Variants in STX11 observed in about 807,000 individuals in gnomAD.
STX11 encodes syntaxin-11.
STX11 carries 21 observed loss-of-function variants against 19.9 expected under a neutral mutation model. That is an observed-to-expected ratio of 1.06 (90% CI 0.75 to 1.52). STX11 has a LOEUF of 1.52. STX11 is among the 40% of genes most tolerant of loss of function. The probability of loss-of-function intolerance (pLI) is 0.00; values close to 1 mark genes in which losing one functional copy is unlikely to be tolerated. For missense variants in STX11, 438 were observed against 405.9 expected (o/e 1.08, Z -0.68); for synonymous variants, 193 against 174.4 (o/e 1.11, Z -0.84).
chr6:144,157,575 G>C (rs1801204733), intron 1 of STX11, among the ~76,000 whole-genome samples: 1 of 152,152 alleles, frequency 6.6e-6, no homozygotes, highest in Non-Finnish European at 1.5e-5. Context: ...TTTTTTCCAA[G>C]GCCCTTAAGG....
chr6:144,187,338 G>T lies in STX11; in HGVS notation c.711G>T (p.Lys237Asn), dbSNP rs758527654. ...TGCAGATGGCGGTGCTGGTGGAGAAGCAGGCCGACACCCTGAACGTCATCG... is the reference window on the plus strand; with the variant it reads ...TGCAGATGGCGGTGCTGGTGGAGAATCAGGCCGACACCCTGAACGTCATCG... Reference protein sequence around the residue: ...LFLQMAVLVEKQADTLNVIEL... With the variant: ...LFLQMAVLVENQADTLNVIEL... The change falls in exon 2 of 2, where the codon AAG becomes AAT. Residue 237 changes from lysine to asparagine, a missense_variant. Lys to Asn is a moderately conservative substitution (Grantham distance 94). Transcript: ENST00000367568. This position sits in a 1 kb window ranked among gnomAD's most constrained non-coding sequence, Gnocchi z 5.6. 1 of 1,610,636 alleles carries T rather than the reference G, an allele frequency of 6.2e-7. No homozygotes were observed. The highest frequency in any genetic ancestry group is 8.5e-7 in the Non-Finnish European group (1 of 1,179,956).
chr6:144,172,705 G>A lies in STX11; in HGVS notation c.-5-13918G>A, dbSNP rs543330024. On this transcript the variant is annotated intron_variant, in intron 1 of 1. Transcript: ENST00000367568. This position sits in a 1 kb window ranked among gnomAD's most constrained non-coding sequence, Gnocchi z 4.2. ...CTCATCAGATTATAGTATTAGCCTCGAAGTCTAGAGACTTATGCCTGATCT... is the reference window on the plus strand; with the variant it reads ...CTCATCAGATTATAGTATTAGCCTCAAAGTCTAGAGACTTATGCCTGATCT... Among the ~76,000 whole-genome samples, 10 of 152,190 alleles carry A rather than the reference G, an allele frequency of 6.6e-5. No individual in the cohort carries two copies. In the East Asian group the frequency reaches 9.7e-4, roughly 15 times the overall value.
Position 144,151,723 on chromosome 6 carries a change from TATC to T in STX11, c.-6+1023_-6+1025del, listed in dbSNP as rs1245732162. Among the ~76,000 whole-genome samples, 1 of 152,248 alleles carries T rather than the reference TATC, an allele frequency of 6.6e-6. No individual in the cohort carries two copies. The highest frequency in any genetic ancestry group is 1.5e-5 in the Non-Finnish European group (1 of 68,038). On this transcript the variant is annotated intron_variant, in intron 1 of 1. Transcript: ENST00000367568. The surrounding 1 kb of genome is among the most constrained non-coding windows in gnomAD (Gnocchi z 4.6). ...TCATTTTCACTGCATGGGAGAAAGG[TATC>T]ATTTAATGTGGTGATTGTAAGTAAC...
At position 144,155,942 on chromosome 6, in the gene STX11, C is replaced by T. The variant is rs528904243; in HGVS notation, c.-6+5239C>T. Among the ~76,000 whole-genome samples, 1 of 3,270 alleles carries T rather than the reference C, an allele frequency of 3.1e-4. No individual in the cohort carries two copies. Among genetic ancestry groups the T allele is most frequent in the Admixed American group, 4.1e-3 (1 of 242 alleles). 2.1% of individuals were successfully genotyped at this position (3,270 alleles called of 152,430 possible). A position where few individuals can be genotyped will look rare whatever the true frequency, so the allele number is the denominator to read the frequency against. On this transcript the variant is annotated intron_variant, in intron 1 of 1. Transcript: ENST00000367568. This position sits in a 1 kb window ranked among gnomAD's most constrained non-coding sequence, Gnocchi z 4.5. ...AATTAAATGTGTTTTAAAATTTAATCTTTCTTTCTTTCTTTCTTTCTTTCT... is the reference window on the plus strand; with the variant it reads ...AATTAAATGTGTTTTAAAATTTAATTTTTCTTTCTTTCTTTCTTTCTTTCT...
the STX11 span, among the ~76,000 whole-genome samples, chr6:144,140,243 TATA>T: frequency 2.4e-3 from 123 of 50,894 alleles, no homozygotes; most frequent in African/African-American, 0.018. Context: ...TATATATATA[TATA>T]TATATATATT....
rs1801891340 is a variant in STX11, at chr6:144,180,728, C to T, written c.-5-5895C>T. ...ACTAATACAATGTGATTGTCACCTC[C>T]ACTCTTTGGTCTGCTGAGGTAGGTG... On this transcript the variant is annotated intron_variant, in intron 1 of 1. Coordinates refer to ENST00000367568, the MANE Select transcript of STX11 (RefSeq NM_003764.4). The surrounding 1 kb of genome is among the most constrained non-coding windows in gnomAD (Gnocchi z 5.3). Among the ~76,000 whole-genome samples, 1 of 152,216 alleles carries T rather than the reference C, an allele frequency of 6.6e-6. No individual in the cohort carries two copies. The highest frequency in any genetic ancestry group is 6.5e-5 in the Admixed American group (1 of 15,284).
In STX11 at chr6:144,161,449, C is replaced by T. The variant is rs545805842; in HGVS notation, c.-6+10746C>T. 2.6e-5 allele frequency among the ~76,000 whole-genome samples: 4 copies of T among 152,248 alleles called. No individual in the cohort carries two copies. The East Asian group carries it at 7.7e-4, about 29-fold the overall frequency. ...GTGGCATGATCTCAGCTCACTGCAACCCCCGCCTCCCAGGTTCAAGCAATT... is the reference window on the plus strand; with the variant it reads ...GTGGCATGATCTCAGCTCACTGCAATCCCCGCCTCCCAGGTTCAAGCAATT... On this transcript the variant is annotated intron_variant, in intron 1 of 1. Coordinates refer to ENST00000367568, the MANE Select transcript of STX11 (RefSeq NM_003764.4).
Position 144,187,727 on chromosome 6 carries a change from G to T in STX11, c.*236G>T. 1 of 625,134 alleles carries T rather than the reference G, an allele frequency of 1.6e-6. No homozygotes were observed. Among genetic ancestry groups the T allele is most frequent in the Non-Finnish European group, 2.9e-6 (1 of 348,606 alleles). 38.7% of individuals were successfully genotyped at this position (625,134 alleles called of 1,614,324 possible). ...ATAGATTCCCACAAAGTTGTGCAAT[G>T]TCATTATATGACACCTTGCACTCTT... On this transcript the variant is annotated 3_prime_UTR_variant, in exon 2 of 2. Transcript: ENST00000367568. This position sits in a 1 kb window ranked among gnomAD's most constrained non-coding sequence, Gnocchi z 5.6.
the STX11 span, among the ~76,000 whole-genome samples, chr6:144,141,013 C>T: frequency 6.6e-6 from 1 of 152,174 alleles, no homozygotes; most frequent in Non-Finnish European, 1.5e-5. Context: ...GTGTTATATT[C>T]TGTTTGTGCT....
chr6:144,155,923 A>G lies in STX11; in HGVS notation c.-6+5220A>G, dbSNP rs1801124093. Reference sequence around the variant, plus strand: ...CAGTTGCCCTTCTTGAGCTAATTAAATGTGTTTTAAAATTTAATCTTTCTT... The same window carrying G: ...CAGTTGCCCTTCTTGAGCTAATTAAGTGTGTTTTAAAATTTAATCTTTCTT... On this transcript the variant is annotated intron_variant, in intron 1 of 1. Transcript: ENST00000367568. The surrounding 1 kb of genome is among the most constrained non-coding windows in gnomAD (Gnocchi z 4.5). Among the ~76,000 whole-genome samples, 1 of 150,408 alleles carries G rather than the reference A, an allele frequency of 6.6e-6. No individual in the cohort carries two copies. The highest frequency in any genetic ancestry group is 1.5e-5 in the Non-Finnish European group (1 of 67,834).
At chr6:144,141,258 A>G in the STX11 span, among the ~76,000 whole-genome samples, 2 of 152,204 alleles carry the variant, frequency 1.3e-5, no homozygotes, top group African/African-American at 4.8e-5. Context: ...CTTTTGTTCT[A>G]TTTGTATACG....
intron 1 of STX11, among the ~76,000 whole-genome samples, chr6:144,185,888 A>C (rs545831092): frequency 6.0e-4 from 92 of 152,168 alleles, no homozygotes; most frequent in African/African-American, 2.1e-3. Flanking sequence ...TTAAATCATG[A>C]TTTGCATGGT....
rs1456121662 is a variant in STX11, at chr6:144,176,925, G to C, written c.-5-9698G>C. 6.6e-6 allele frequency among the ~76,000 whole-genome samples: 1 copy of C among 152,146 alleles called. No homozygotes were observed. Among genetic ancestry groups the C allele is most frequent in the African/African-American group, 2.4e-5 (1 of 41,448 alleles). On this transcript the variant is annotated intron_variant, in intron 1 of 1. Transcript: ENST00000367568. This position sits in a 1 kb window ranked among gnomAD's most constrained non-coding sequence, Gnocchi z 4.1. ...AAACCCTCATGCATTGATGATGTTG[G>C]ATAACTCAGATATTTCCGTACCTTG... is the stretch of plus-strand genomic sequence containing the variant.
chr6:144,140,601 C>T, the STX11 span: 1 of 221,976 alleles, frequency 4.5e-6, no homozygotes, highest in Non-Finnish European at 7.6e-6. Context: ...GCCAGTATTG[C>T]ACTTTCAAAT....
At position 144,165,708 on chromosome 6, in the gene STX11, T is replaced by C. The variant is rs73778549; in HGVS notation, c.-6+15005T>C. Among the ~76,000 whole-genome samples the C allele has an allele frequency of 5.0e-3, 762 of 152,336 alleles. 7 individuals are homozygous for C. Among genetic ancestry groups the C allele is most frequent in the African/African-American group, 0.017 (719 of 41,570 alleles). ...CATGCTTCCAAAGGAGTGGTACTTA[T>C]AGTATCTTCAATAAGCTACCTGATA... is the stretch of plus-strand genomic sequence containing the variant. On this transcript the variant is annotated intron_variant, in intron 1 of 1. Transcript: ENST00000367568. This position sits in a 1 kb window ranked among gnomAD's most constrained non-coding sequence, Gnocchi z 5.8.
intron 1 of STX11, among the ~76,000 whole-genome samples, chr6:144,178,265 C>T (rs1226775783): frequency 1.3e-5 from 2 of 152,154 alleles, no homozygotes; most frequent in Non-Finnish European, 2.9e-5. Context: ...GGCCTCAAAC[C>T]TGTAGACTGG....
In STX11 at chr6:144,155,949, T is replaced by C. The variant is rs1389678815; in HGVS notation, c.-6+5246T>C. 2.4e-3 allele frequency among the ~76,000 whole-genome samples: 34 copies of C among 13,988 alleles called. 1 individual carries two copies. Among genetic ancestry groups the C allele is most frequent in the African/African-American group, 7.6e-3 (31 of 4,098 alleles). 9.2% of individuals were successfully genotyped at this position (13,988 alleles called of 152,430 possible). On this transcript the variant is annotated intron_variant, in intron 1 of 1. Transcript: ENST00000367568. This position sits in a 1 kb window ranked among gnomAD's most constrained non-coding sequence, Gnocchi z 4.5. ...TGTGTTTTAAAATTTAATCTTTCTT[T>C]CTTTCTTTCTTTCTTTCTTTCTTTC...
upstream of STX11, among the ~76,000 whole-genome samples, chr6:144,150,141 A>G (rs886376503): frequency 7.2e-5 from 11 of 152,310 alleles, no homozygotes; most frequent in African/African-American, 2.6e-4. Context: ...CCACGCTCAG[A>G]GACGGCTTCC....
chr6:144,171,659 G>C (rs1352922914), intron 1 of STX11, among the ~76,000 whole-genome samples: 1 of 152,098 alleles, frequency 6.6e-6, no homozygotes, highest in African/African-American at 2.4e-5. Context: ...TTATCGAACA[G>C]CTTTTGCAGA....
Sources: gnomAD v4.1 joint callset for allele counts (sites outside exome capture counted in the v4.1 genomes callset) on GRCh38, gnomAD v4.1.1 for gene constraint, Gnocchi (gnomAD v3.1) non-coding constraint, MANE v1.5 for transcripts, NCBI Gene and HGNC (gene_info 2026-07-23, HGNC 2026-07-21) for gene names.